The following SHLD1 variants were observed in gnomAD, a reference collection of about 807,000 sequenced individuals.
SHLD1 encodes RINN1-REV7-interacting novel NHEJ regulator 3.
In SHLD1, 3 loss-of-function variants were observed where a neutral mutation model predicts 5.5. The observed-to-expected ratio is 0.54, with a 90% CI of 0.25 to 1.40. The LOEUF (loss-of-function observed/expected upper bound fraction) is 1.40, where lower values mean the gene tolerates loss of function less well. Ranked by LOEUF, SHLD1 falls within the 40% of genes most tolerant of loss-of-function variation. The probability of loss-of-function intolerance (pLI) is 0.15; values close to 1 mark genes in which losing one functional copy is unlikely to be tolerated. For synonymous variants in SHLD1, 92 were observed against 94.3 expected (o/e 0.98, Z 0.14); for missense variants, 210 against 244.4 (o/e 0.86, Z 0.94).
Position 5,837,647 on chromosome 20 carries a change from G to A in SHLD1, c.179-25377G>A, listed in dbSNP as rs374873034. On this transcript the variant is annotated intron_variant, in intron 2 of 2. Transcript: ENST00000303142. ...ATGTCCCTGCAAAGGACATGATCTCGTTCCTTTTTATGGCTGCACTGACTC... is the reference window on the plus strand; with the variant it reads ...ATGTCCCTGCAAAGGACATGATCTCATTCCTTTTTATGGCTGCACTGACTC... 3.9e-5 allele frequency among the ~76,000 whole-genome samples: 6 copies of A among 152,110 alleles called. No individual in the cohort carries two copies. The South Asian group carries it at 8.3e-4, about 21-fold the overall frequency.
intron 2 of SHLD1, among the ~76,000 whole-genome samples, chr20:5,810,662 G>A (rs2087446507): frequency 6.6e-6 from 1 of 151,148 alleles, no homozygotes; most frequent in South Asian, 2.1e-4. Context: ...GGGAGGCTGA[G>A]GTAAGCAGAT....
At chr20:5,824,625 GTT>G (rs34606054) in intron 2 of SHLD1, among the ~76,000 whole-genome samples, 1,526 of 125,520 alleles carry the variant, frequency 0.012, 24 homozygotes, top group African/African-American at 0.04. Flanking sequence ...GTTGTTGTTT[GTT>G]TTTTTTTTTT....
chr20:5,763,618 TC>T (rs1393880581), intron 1 of SHLD1, among the ~76,000 whole-genome samples: 2 of 152,156 alleles, frequency 1.3e-5, no homozygotes, highest in Non-Finnish European at 2.9e-5. Context: ...TCTTCCTCTT[TC>T]CCCTAAGCCC....
At chr20:5,776,260 T>C (rs1361964989) in intron 2 of SHLD1, among the ~76,000 whole-genome samples, 1 of 150,940 alleles carries the variant, frequency 6.6e-6, no homozygotes, top group Admixed American at 6.6e-5. Context: ...TTATCACAAA[T>C]ACCATACACT....
At chr20:5,817,160 A>G (rs532763261) in intron 2 of SHLD1, among the ~76,000 whole-genome samples, 1 of 152,260 alleles carries the variant, frequency 6.6e-6, no homozygotes, top group South Asian at 2.1e-4. Context: ...CATCTTTATC[A>G]TTTCAAGATC....
intron 2 of SHLD1, among the ~76,000 whole-genome samples, chr20:5,796,807 C>A (rs1485232091): frequency 7.4e-6 from 1 of 135,832 alleles, no homozygotes; most frequent in African/African-American, 2.8e-5. Context: ...CCAGCCTGGA[C>A]AACAGGACAA....
chr20:5,756,977 T>C (rs1426284289), intron 1 of SHLD1: 1 of 154,538 alleles, frequency 6.5e-6, no homozygotes, highest in Non-Finnish European at 1.5e-5. Flanking sequence ...GACATCCTTA[T>C]CTTGTTCCTA....
intron 2 of SHLD1, among the ~76,000 whole-genome samples, chr20:5,843,256 A>G (rs2087887729): frequency 6.6e-6 from 1 of 151,876 alleles, no homozygotes; most frequent in African/African-American, 2.4e-5. Flanking sequence ...TTTGAGCACA[A>G]ACACATGTGA....
chr20:5,808,711 G>A (rs2087417523), intron 2 of SHLD1, among the ~76,000 whole-genome samples: 1 of 152,180 alleles, frequency 6.6e-6, no homozygotes, highest in South Asian at 2.1e-4. Flanking sequence ...AATGCATTTG[G>A]TGAATGAATA....
Position 5,756,818 on chromosome 20 carries a change from G to A in SHLD1, c.-5+6339G>A, listed in dbSNP as rs187112701. 2.2e-3 allele frequency: 609 copies of A among 273,684 alleles called. 1 individual carries two copies. The highest frequency in any genetic ancestry group is 0.013 in the African/African-American group (576 of 43,036). The allele number at this position is 273,684 out of a possible 1,614,324, so 17.0% of individuals were successfully genotyped here. On this transcript the variant is annotated intron_variant, in intron 1 of 2. Coordinates refer to ENST00000303142, the MANE Select transcript of SHLD1 (RefSeq NM_152504.4). ...CAAAGTGTTGGGATTACAGGCGTAA[G>A]CCACCACATCTGGCCTAGGATTTTC...
chr20:5,824,627 T>G lies in SHLD1; in HGVS notation c.179-38397T>G, dbSNP rs1362396436. Among the ~76,000 whole-genome samples the G allele has an allele frequency of 1.2e-3, 132 of 108,866 alleles. 1 individual carries two copies. Among genetic ancestry groups the G allele is most frequent in the Non-Finnish European group, 1.2e-3 (64 of 55,316 alleles). The allele number at this position is 108,866 out of a possible 152,430, so 71.4% of individuals were successfully genotyped here. On this transcript the variant is annotated intron_variant, in intron 2 of 2. Coordinates refer to ENST00000303142, the MANE Select transcript of SHLD1 (RefSeq NM_152504.4). ...GAGCTATGTTTTTGTTGTTGTTTGT[T>G]TTTTTTTTTTTTTTGGGACAAACCT...
intron 2 of SHLD1, 124 bp from the exon 3 acceptor site, chr20:5,862,900 C>A: frequency 1.2e-6 from 1 of 822,402 alleles, no homozygotes; most frequent in Non-Finnish European, 1.9e-6. Flanking sequence ...GCTGATATTT[C>A]CCATTGCCAG....
chr20:5,855,242 A>G lies in SHLD1; in HGVS notation c.179-7782A>G, dbSNP rs928684330. Among the ~76,000 whole-genome samples, 3 of 151,818 alleles carry G rather than the reference A, an allele frequency of 2.0e-5. No individual in the cohort carries two copies. The highest frequency in any genetic ancestry group is 4.8e-5 in the African/African-American group (2 of 41,310). ...AGTGGAATCATACAGTATTTTTCCT[A>G]TTGTGGCTGGCTTATTTCACTTAGC... is the stretch of plus-strand genomic sequence containing the variant. On this transcript the variant is annotated intron_variant, in intron 2 of 2. Transcript: ENST00000303142. This position sits in a 1 kb window ranked among gnomAD's most constrained non-coding sequence, Gnocchi z 4.4.
chr20:5,774,668 T>G (rs1985344952), intron 2 of SHLD1, among the ~76,000 whole-genome samples: 1 of 151,988 alleles, frequency 6.6e-6, no homozygotes, highest in African/African-American at 2.4e-5. Flanking sequence ...CTACACACTT[T>G]TAAACAACCA....
chr20:5,795,816 C>G (rs919529472), intron 2 of SHLD1, among the ~76,000 whole-genome samples: 1 of 150,948 alleles, frequency 6.6e-6, no homozygotes, highest in African/African-American at 2.4e-5. Flanking sequence ...CCCGTCTCTA[C>G]TAAAAATACA....
chr20:5,844,056 A>G (rs924179238), intron 2 of SHLD1, among the ~76,000 whole-genome samples: 1 of 152,016 alleles, frequency 6.6e-6, no homozygotes, highest in Non-Finnish European at 1.5e-5. Context: ...GTGTTCTCCA[A>G]TGTTATGTGC....
chr20:5,853,424 C>T (rs776489458), intron 2 of SHLD1, among the ~76,000 whole-genome samples: 2 of 151,950 alleles, frequency 1.3e-5, no homozygotes, highest in Non-Finnish European at 2.9e-5. Context: ...CCAGCCTGAG[C>T]GACAGATCGA....
chr20:5,851,555 G>T (rs892471619), intron 2 of SHLD1, among the ~76,000 whole-genome samples: 1 of 149,730 alleles, frequency 6.7e-6, no homozygotes, highest in African/African-American at 2.4e-5. Flanking sequence ...AATATTATGT[G>T]AGTAACATAG....
intron 2 of SHLD1, among the ~76,000 whole-genome samples, chr20:5,815,199 G>A (rs1192037147): frequency 5.9e-5 from 9 of 151,616 alleles, no homozygotes; most frequent in Admixed American, 2.0e-4. Flanking sequence ...TCTGCACATC[G>A]GCATCAACTG....
Sources: allele counts gnomAD v4.1 joint callset (sites outside exome capture counted in the v4.1 genomes callset), GRCh38; gene constraint gnomAD v4.1.1; non-coding constraint Gnocchi (gnomAD v3.1); transcripts MANE v1.5; gene names NCBI Gene and HGNC (gene_info 2026-07-23, HGNC 2026-07-21).